The following COL3A1 variants were observed in gnomAD, a reference collection of about 807,000 sequenced individuals.
COL3A1 encodes the protein collagen type III alpha 1 chain.
Under a neutral mutation model 200.9 loss-of-function variants are expected in COL3A1, and 46 were observed. That is an observed-to-expected ratio of 0.23 (90% CI 0.18 to 0.29). The LOEUF (loss-of-function observed/expected upper bound fraction) is 0.29. Among genes scored for constraint, COL3A1 ranks in the 10% least tolerant of loss-of-function variants. The pLI, the probability that COL3A1 is intolerant of heterozygous loss-of-function variation, is 1.00. For synonymous variants in COL3A1, 650 were observed against 628.0 expected (o/e 1.03, Z -0.52); for missense variants, 1,367 against 1,917.6 (o/e 0.71, Z 5.36).
At chr2:188,988,891 A>C (rs1393130343) in intron 7 of COL3A1, among the ~76,000 whole-genome samples, 1 of 151,926 alleles carries the variant, frequency 6.6e-6, no homozygotes, top group Non-Finnish European at 1.5e-5. Context: ...GAGCTGATAA[A>C]AATTCTGTAT....
At position 188,997,223 on chromosome 2, in the gene COL3A1, G is replaced by T; in HGVS notation, c.1815+5G>T. ...CCTGGAGGACCTGGCCCTCAGGTAC[G>T]TAGCTTTCCTCAATTTATTTCTAGC... On this transcript the variant is annotated splice_donor_5th_base_variant and intron_variant, in intron 25 of 50. Coordinates refer to ENST00000304636, the MANE Select transcript of COL3A1 (RefSeq NM_000090.4). 6.2e-7 allele frequency: 1 copy of T among 1,614,000 alleles called. No individual in the cohort carries two copies. Among genetic ancestry groups the T allele is most frequent in the Non-Finnish European group, 8.5e-7 (1 of 1,179,984 alleles).
intron 4 of COL3A1, among the ~76,000 whole-genome samples, chr2:188,986,488 A>G (rs1168050807): frequency 1.3e-5 from 2 of 152,052 alleles, no homozygotes; most frequent in African/African-American, 4.8e-5. Context: ...TAGACCTGGA[A>G]CTTAGAATTT....
In COL3A1 at chr2:189,003,740, G is replaced by C. The variant is rs1475390693; in HGVS notation, c.2614G>C (p.Ala872Pro). The change falls in exon 38 of 51, where the codon GCT (alanine) becomes CCT (proline). Residue 872 changes from alanine to proline, a missense_variant. This residue lies in a region of COL3A1 where 846 missense variants were observed against 1,147.9 expected (regional missense o/e 0.74). Transcript: ENST00000304636. ...ATATATTACCATTTCACAGGGTGCT[G>C]CTGGCTTCCCTGGTGCTCGTGGTCT... ...ERGSPGGPGA[A>P]GFPGARGLPG... 3.7e-6 allele frequency: 6 copies of C among 1,613,848 alleles called. No homozygotes were observed. Among genetic ancestry groups the C allele is most frequent in the Non-Finnish European group, 4.2e-6 (5 of 1,179,926 alleles).
chr2:189,003,567 T>G, intron 37 of COL3A1, 103 bp downstream of exon 37: 1 of 1,366,958 alleles, frequency 7.3e-7, no homozygotes, highest in Non-Finnish European at 1.0e-6. Flanking sequence ...AATGTAAAAA[T>G]TGTAATCGCT....
At chr2:189,007,089 A>G (rs1688602682) in intron 44 of COL3A1, 99 bp downstream of exon 44, 8 of 433,838 alleles carry the variant, frequency 1.8e-5, no homozygotes, top group Non-Finnish European at 3.3e-5. Context: ...TTCAGGAAAA[A>G]AGAATGAATA....
chr2:189,002,839 A>C, intron 35 of COL3A1, 116 bp from the exon 36 acceptor site: 1 of 844,670 alleles, frequency 1.2e-6, no homozygotes, highest in Non-Finnish European at 1.9e-6. Context: ...CTTGTTTTTA[A>C]ATTTTATTTC....
intron 30 of COL3A1, 27 bp downstream of exon 30, chr2:188,999,410 A>G: frequency 6.2e-7 from 1 of 1,613,770 alleles, no homozygotes; most frequent in Non-Finnish European, 8.5e-7. Flanking sequence ...CCATTCACCT[A>G]GGTTTAAAAA....
rs1191425593 is a variant in COL3A1, at chr2:188,995,570, C to T, written c.1510-122C>T. ...TAACTGATTTTATGTATAAATGTTT[C>T]AGCAACACACGAACCCTTTTTAAAA... On this transcript the variant is annotated intron_variant, in intron 21 of 50. Coordinates refer to ENST00000304636, the MANE Select transcript of COL3A1 (RefSeq NM_000090.4). The T allele has an allele frequency of 2.8e-5, 19 of 686,536 alleles. No individual in the cohort carries two copies. In the Admixed American group the frequency reaches 2.8e-4, roughly 10 times the overall value. 42.5% of individuals were successfully genotyped at this position (686,536 alleles called of 1,614,324 possible).
At chr2:188,992,132 T>C in intron 13 of COL3A1, 52 bp from the exon 14 acceptor site, 1 of 1,584,750 alleles carries the variant, frequency 6.3e-7, no homozygotes, top group South Asian at 1.1e-5. Context: ...ATATTACTCA[T>C]GACCAGCCAT....
intron 29 of COL3A1, 89 bp from the exon 30 acceptor site, chr2:188,999,196 A>T: frequency 1.7e-6 from 2 of 1,165,224 alleles, no homozygotes; most frequent in South Asian, 1.3e-5. Context: ...ATAATAACCT[A>T]GTGGCCTGAT....
chr2:188,997,105 A>ATATATATATGAGACAT lies in COL3A1; in HGVS notation c.1762-60_1762-59insTATATATATGAGACAT, dbSNP rs1559057594. Reference sequence around the variant, plus strand: ...TATATGAGACATATATATATGAGACAATAATATGATTAGTTATTGCCCTTT... The same window carrying ATATATATATGAGACAT: ...TATATGAGACATATATATATGAGACATATATATATGAGACATATAATATGATTAGTTATTGCCCTTT... On this transcript the variant is annotated intron_variant, in intron 24 of 50. Coordinates refer to ENST00000304636, the MANE Select transcript of COL3A1 (RefSeq NM_000090.4). 1.5e-5 allele frequency: 21 copies of ATATATATATGAGACAT among 1,396,608 alleles called. No homozygotes were observed. The African/African-American group carries it at 2.0e-4, about 13-fold the overall frequency. 86.5% of individuals were successfully genotyped at this position (1,396,608 alleles called of 1,614,324 possible). A position where few individuals can be genotyped will look rare whatever the true frequency, so the allele number is the denominator to read the frequency against.
At chr2:189,009,799 T>C (rs1437468404) in intron 48 of COL3A1, among the ~76,000 whole-genome samples, 1 of 152,126 alleles carries the variant, frequency 6.6e-6, no homozygotes, top group Non-Finnish European at 1.5e-5. Context: ...GCATCAATCA[T>C]AGGGATTTCA....
intron 36 of COL3A1, among the ~76,000 whole-genome samples, 171 bp downstream of exon 36, chr2:189,003,233 G>A (rs1160042875): frequency 1.3e-5 from 2 of 152,178 alleles, no homozygotes; most frequent in Non-Finnish European, 2.9e-5. Flanking sequence ...GAGATAGCAT[G>A]TCATAGTGTC....
In COL3A1 at chr2:189,004,138, C is replaced by A; in HGVS notation, c.2818C>A (p.Pro940Thr). 6.2e-7 allele frequency: 1 copy of A among 1,613,892 alleles called. No homozygotes were observed. Among genetic ancestry groups the A allele is most frequent in the Non-Finnish European group, 8.5e-7 (1 of 1,179,968 alleles). Residue 940 changes from proline (P) to threonine (T), a missense_variant, in exon 39 of 51, where the codon CCA (proline) becomes ACA (threonine). By Grantham distance (38) the Pro-to-Thr change is conservative (BLOSUM62 -1). This residue lies in a region of COL3A1 where 846 missense variants were observed against 1,147.9 expected (regional missense o/e 0.74). Coordinates refer to ENST00000304636, the MANE Select transcript of COL3A1 (RefSeq NM_000090.4). ...GEKGSPGAQG[P>T]PGAPGPLGIA... ...GAAGGGATCGCCTGGTGCCCAGGGCCCACCAGTAAGTAACTTCATTTTTTT... is the reference window on the plus strand; with the variant it reads ...GAAGGGATCGCCTGGTGCCCAGGGCACACCAGTAAGTAACTTCATTTTTTT...
intron 1 of COL3A1, among the ~76,000 whole-genome samples, chr2:188,980,890 TA>T (rs1157218873): frequency 1.3e-5 from 2 of 151,330 alleles, no homozygotes; most frequent in Non-Finnish European, 3.0e-5. Flanking sequence ...GTAATGAAAA[TA>T]ATTATGATAA....
intron 1 of COL3A1, among the ~76,000 whole-genome samples, chr2:188,983,819 G>A (rs916655829): frequency 4.6e-5 from 7 of 151,802 alleles, no homozygotes; most frequent in African/African-American, 1.7e-4. Flanking sequence ...TCAATTACTG[G>A]CAAACTATCA....
rs1559059448 is a variant in COL3A1, at chr2:189,001,315, ATG to A, written c.2284-80_2284-79del. ...ATGTTATCTAGTTTATTAGGTATCTATGTCTATATACTTTCTGTTTGATTAAT... is the reference window on the plus strand; with the variant it reads ...ATGTTATCTAGTTTATTAGGTATCTATCTATATACTTTCTGTTTGATTAAT... On this transcript the variant is annotated intron_variant, in intron 32 of 50. Transcript: ENST00000304636. The A allele has an allele frequency of 2.3e-6, 3 of 1,284,710 alleles. No individual in the cohort carries two copies. The African/African-American group carries it at 4.4e-5, about 19-fold the overall frequency. The allele number at this position is 1,284,710 out of a possible 1,614,324, so 79.6% of individuals were successfully genotyped here.
chr2:188,995,974 C>A, intron 22 of COL3A1, 151 bp from the exon 23 acceptor site: 1 of 898,084 alleles, frequency 1.1e-6, no homozygotes, highest in Non-Finnish European at 1.7e-6. Flanking sequence ...AGATAGAACA[C>A]TTGCCTTAGA....
At chr2:188,990,433 G>C (rs1688163224) in intron 10 of COL3A1, 73 bp downstream of exon 10, 2 of 1,175,114 alleles carry the variant, frequency 1.7e-6, no homozygotes, top group Non-Finnish European at 2.5e-6. Flanking sequence ...AATTTTACTG[G>C]ACAATTATGT....
Sources: gnomAD v4.1 joint callset for allele counts (sites outside exome capture counted in the v4.1 genomes callset) on GRCh38, gnomAD v4.1.1 for gene constraint, gnomAD v4.1.1 regional missense constraint, MANE v1.5 for transcripts, NCBI Gene and HGNC (gene_info 2026-07-23, HGNC 2026-07-21) for gene names.